The following PHF20 variants were observed in gnomAD, a reference collection of about 807,000 sequenced individuals.
The protein encoded by PHF20 is glioma-expressed antigen 2.
A neutral mutation model predicts 113.5 loss-of-function variants in PHF20; 23 were observed. The ratio of observed to expected loss-of-function variants is 0.20; its 90% CI spans 0.15 to 0.29. PHF20 has a LOEUF of 0.29. PHF20 is among the 10% of genes least tolerant of loss of function. PHF20 has a pLI of 1.00. For missense variants in PHF20, 943 were observed against 1,219.6 expected (o/e 0.77, Z 3.38); for synonymous variants, 434 against 457.3 (o/e 0.95, Z 0.65).
At chr20:35,896,382 T>TA (rs989779071) in intron 9 of PHF20, among the ~76,000 whole-genome samples, 15 of 151,974 alleles carry the variant, frequency 9.9e-5, no homozygotes, top group Non-Finnish European at 1.8e-4. Context: ...CCTAATTTTT[T>TA]AAAAAAAGAT....
rs2055361259 is a variant in PHF20, at chr20:35,914,286, G to A, written c.1825+89G>A. On this transcript the variant is annotated intron_variant, in intron 12 of 17. Transcript: ENST00000374012. The stretch of plus-strand genomic sequence containing the variant: ...GGAGATATTATGGGTTTGGTTCTAG[G>A]CCACTACAATAAAACAAATAAAGCT... 6 of 1,294,194 alleles carry A rather than the reference G, an allele frequency of 4.6e-6. No homozygotes were observed. The Admixed American group carries it at 1.3e-4, about 28-fold the overall frequency. The allele number at this position is 1,294,194 out of a possible 1,614,324, so 80.2% of individuals were successfully genotyped here.
chr20:35,842,167 G>A lies in PHF20; in HGVS notation c.84-406G>A, dbSNP rs1024796233. Among the ~76,000 whole-genome samples, 7 of 152,032 alleles carry A rather than the reference G, an allele frequency of 4.6e-5. 1 individual carries two copies. The highest frequency in any genetic ancestry group is 8.8e-5 in the Non-Finnish European group (6 of 68,002). ...TCGAGACCAGCCTGGCCAACATGGC[G>A]AAACCCCATCTCTACTAAAAATACA... On this transcript the variant is annotated intron_variant, in intron 2 of 17. Coordinates refer to ENST00000374012, the MANE Select transcript of PHF20 (RefSeq NM_016436.5).
chr20:35,932,212 C>T (rs908253899), intron 15 of PHF20, among the ~76,000 whole-genome samples: 28 of 151,062 alleles, frequency 1.9e-4, no homozygotes, highest in African/African-American at 4.6e-4. Context: ...GGACTACAGG[C>T]GCATGCCACC....
intron 2 of PHF20, among the ~76,000 whole-genome samples, chr20:35,828,973 G>A (rs1453272976): frequency 1.3e-5 from 2 of 152,150 alleles, no homozygotes; most frequent in African/African-American, 4.8e-5. Context: ...AGGAATTCAG[G>A]AGCGGCGTAA....
At chr20:35,894,145 G>A (rs17093216) in intron 9 of PHF20, among the ~76,000 whole-genome samples, 8,874 of 152,240 alleles carry the variant, frequency 0.058, 409 homozygotes, top group African/African-American at 0.13. Flanking sequence ...GGACGTAGAC[G>A]AAATGAAGTG....
intron 2 of PHF20, among the ~76,000 whole-genome samples, chr20:35,828,681 C>T (rs1310170970): frequency 6.6e-6 from 1 of 152,146 alleles, no homozygotes; most frequent in Admixed American, 6.5e-5. Flanking sequence ...GGAGTCATGC[C>T]AGCAGTGGCA....
chr20:35,855,144 C>A (rs2146958312), intron 4 of PHF20: 1 of 355,894 alleles, frequency 2.8e-6, no homozygotes. Context: ...CCCATCCCCC[C>A]ATCTCCGTCC....
At position 35,871,647 on chromosome 20, in the gene PHF20, T is replaced by A; in HGVS notation, c.1103-3T>A. 1 of 1,585,904 alleles carries A rather than the reference T, an allele frequency of 6.3e-7. No individual in the cohort carries two copies. The highest frequency in any genetic ancestry group is 8.5e-7 in the Non-Finnish European group (1 of 1,170,398). ...TCCCCCAAACTTTCTTTTTTTCTTC[T>A]AGGTCAGTTGAAGTCTGCTTTGGAA... On this transcript the variant is annotated splice_polypyrimidine_tract_variant and splice_region_variant and intron_variant, in intron 8 of 17. Coordinates refer to ENST00000374012, the MANE Select transcript of PHF20 (RefSeq NM_016436.5).
At chr20:35,803,332 T>G (rs1002894851) in intron 2 of PHF20, among the ~76,000 whole-genome samples, 6 of 151,868 alleles carry the variant, frequency 4.0e-5, no homozygotes, top group Admixed American at 6.6e-5. Context: ...GGGCTATTTT[T>G]TTTTTTTGGA....
intron 9 of PHF20, among the ~76,000 whole-genome samples, chr20:35,898,138 G>C (rs999538677): frequency 6.6e-6 from 1 of 151,090 alleles, no homozygotes; most frequent in Non-Finnish European, 1.5e-5. Context: ...GCCTCCCAAA[G>C]TGCTGAGATT....
intron 1 of PHF20, among the ~76,000 whole-genome samples, chr20:35,773,857 C>T (rs886569863): frequency 6.6e-6 from 1 of 152,108 alleles, no homozygotes; most frequent in Non-Finnish European, 1.5e-5. Context: ...ACTGTTTTCT[C>T]CTTTGCTTTA....
intron 10 of PHF20, among the ~76,000 whole-genome samples, chr20:35,909,394 G>A (rs2147075742): frequency 6.6e-6 from 1 of 152,134 alleles, no homozygotes; most frequent in South Asian, 2.1e-4. Context: ...CATAGTATAT[G>A]CATGGTATCT....
At chr20:35,939,182 T>C in intron 16 of PHF20, 74 bp downstream of exon 16, 2 of 1,390,488 alleles carry the variant, frequency 1.4e-6, no homozygotes, top group South Asian at 2.8e-5. Context: ...GTTTGAATGC[T>C]CTATGGAAGA....
intron 6 of PHF20, among the ~76,000 whole-genome samples, chr20:35,869,048 G>A (rs190619492): frequency 2.8e-3 from 423 of 151,976 alleles, no homozygotes; most frequent in Admixed American, 0.011. Flanking sequence ...CAGAGATCGC[G>A]GCACTGCACT....
chr20:35,908,258 C>G (rs1712321905), intron 10 of PHF20, among the ~76,000 whole-genome samples: 1 of 152,218 alleles, frequency 6.6e-6, no homozygotes, highest in Admixed American at 6.5e-5. Context: ...CTTGTCTACT[C>G]CTGTTCCTCA....
chr20:35,879,000 G>A (rs1358848071), intron 9 of PHF20, among the ~76,000 whole-genome samples: 1 of 152,190 alleles, frequency 6.6e-6, no homozygotes, highest in Non-Finnish European at 1.5e-5. Flanking sequence ...GGTGTTGAAT[G>A]TCCACCTTCT....
In PHF20 at chr20:35,880,730, G is replaced by A. The variant is rs545917459; in HGVS notation, c.1282+8901G>A. On this transcript the variant is annotated intron_variant, in intron 9 of 17. Transcript: ENST00000374012. ...AATTCCAGCACTTTGGGAGGCTGAC[G>A]CGGGCAGATCACTTGAGGTCAGGAG... Among the ~76,000 whole-genome samples the A allele has an allele frequency of 1.4e-3, 209 of 152,202 alleles. 5 individuals carry two copies. Among genetic ancestry groups the A allele is most frequent in the South Asian group, 2.1e-3 (10 of 4,816 alleles).
At chr20:35,899,714 T>G in intron 10 of PHF20, 66 bp downstream of exon 10, 1 of 1,512,470 alleles carries the variant, frequency 6.6e-7, no homozygotes, top group Non-Finnish European at 9.1e-7. Context: ...GCTTGTGTTT[T>G]CTGACACACA....
intron 3 of PHF20, among the ~76,000 whole-genome samples, chr20:35,845,682 G>T (rs1423789207): frequency 6.6e-6 from 1 of 152,006 alleles, no homozygotes; most frequent in Non-Finnish European, 1.5e-5. Context: ...CTTGTGCCTG[G>T]CTAGTTTTAA....
Sources: allele counts gnomAD v4.1 joint callset (sites outside exome capture counted in the v4.1 genomes callset), GRCh38; gene constraint gnomAD v4.1.1; transcripts MANE v1.5; gene names NCBI Gene and HGNC (gene_info 2026-07-23, HGNC 2026-07-21).